The following BCAS3 variants were observed in gnomAD, a reference collection of about 807,000 sequenced individuals.
BCAS3 encodes the protein BCAS4/BCAS3 fusion.
A neutral mutation model predicts 116.1 loss-of-function variants in BCAS3; 53 were observed. The observed-to-expected ratio is 0.46, with a 90% CI of 0.37 to 0.57. The LOEUF (loss-of-function observed/expected upper bound fraction) is 0.57. Ranked by LOEUF, BCAS3 falls within the 20% of genes least tolerant of loss-of-function variation. The probability of loss-of-function intolerance (pLI) is 0.00; values close to 1 mark genes in which losing one functional copy is unlikely to be tolerated. For synonymous variants in BCAS3, 391 were observed against 408.2 expected (o/e 0.96, Z 0.51); for missense variants, 917 against 1,165.4 (o/e 0.79, Z 3.10).
Position 61,029,044 on chromosome 17 carries a change from T to C in BCAS3, c.1638-5622T>C, listed in dbSNP as rs1214504565. Reference sequence around the variant, plus strand: ...TGTTATTTAGCATTCAACCTGAGAATGTTTTTATGTACTGTTCTGAAATAA... The same window carrying C: ...TGTTATTTAGCATTCAACCTGAGAACGTTTTTATGTACTGTTCTGAAATAA... On this transcript the variant is annotated intron_variant, in intron 16 of 23. Transcript: ENST00000407086. This position sits in a 1 kb window ranked among gnomAD's most constrained non-coding sequence, Gnocchi z 5.2. Among the ~76,000 whole-genome samples, 1 of 152,016 alleles carries C rather than the reference T, an allele frequency of 6.6e-6. No individual in the cohort carries two copies. Among genetic ancestry groups the C allele is most frequent in the Non-Finnish European group, 1.5e-5 (1 of 67,874 alleles).
In BCAS3 at chr17:61,378,685, G is replaced by A. The variant is rs962388535; in HGVS notation, c.2593+10191G>A. The A allele has an allele frequency of 6.6e-6, 1 of 152,268 alleles. No homozygotes were observed. Among genetic ancestry groups the A allele is most frequent in the Non-Finnish European group, 1.5e-5 (1 of 68,060 alleles). The allele number at this position is 152,268 out of a possible 1,614,324, so 9.4% of individuals were successfully genotyped here. ...CTGAGCCTCAGTTAATGTTTGTTGA[G>A]TGACTGGATGGGTTTCTGTGGCCCC... On this transcript the variant is annotated intron_variant, in intron 23 of 23. Transcript: ENST00000407086. The surrounding 1 kb of genome is among the most constrained non-coding windows in gnomAD (Gnocchi z 5.8).
chr17:60,834,089 C>T (rs1402414674), intron 7 of BCAS3, among the ~76,000 whole-genome samples: 1 of 151,950 alleles, frequency 6.6e-6, no homozygotes, highest in Non-Finnish European at 1.5e-5. Flanking sequence ...GGCTTTATCA[C>T]AAATTATGTA....
chr17:60,743,750 T>A (rs916109092), intron 5 of BCAS3, among the ~76,000 whole-genome samples: 1 of 152,224 alleles, frequency 6.6e-6, no homozygotes, highest in East Asian at 1.9e-4. Context: ...CAGAATTCTC[T>A]AAAAGCACTT....
At chr17:61,293,429 C>G (rs995539849) in intron 22 of BCAS3, among the ~76,000 whole-genome samples, 1 of 152,104 alleles carries the variant, frequency 6.6e-6, no homozygotes, top group Admixed American at 6.5e-5. Context: ...GGAGAGCTGC[C>G]TATCATCAGA....
At chr17:60,731,877 C>G (rs1311788652) in intron 5 of BCAS3, among the ~76,000 whole-genome samples, 1 of 151,124 alleles carries the variant, frequency 6.6e-6, no homozygotes. Flanking sequence ...CTTCCAGGTT[C>G]AAGCAATTCT....
At chr17:61,257,170 C>G (rs1003260150) in intron 22 of BCAS3, among the ~76,000 whole-genome samples, 1 of 152,010 alleles carries the variant, frequency 6.6e-6, no homozygotes, top group East Asian at 1.9e-4. Flanking sequence ...GCCTGTAACC[C>G]CAGCACTTTG....
chr17:61,172,294 C>T (rs181416934), intron 22 of BCAS3, among the ~76,000 whole-genome samples: 14 of 152,304 alleles, frequency 9.2e-5, no homozygotes, highest in Admixed American at 2.0e-4. Context: ...ACACTACCAA[C>T]GGCAGAACCA....
intron 19 of BCAS3, among the ~76,000 whole-genome samples, chr17:61,049,926 G>A (rs532442132): frequency 6.6e-6 from 1 of 151,740 alleles, no homozygotes; most frequent in South Asian, 2.1e-4. Flanking sequence ...TAGAGACGGG[G>A]TTTTTCCATG....
At chr17:61,035,727 C>T (rs1422250147) in intron 17 of BCAS3, among the ~76,000 whole-genome samples, 1 of 152,000 alleles carries the variant, frequency 6.6e-6, no homozygotes, top group Non-Finnish European at 1.5e-5. Flanking sequence ...AGTGGATGGC[C>T]GAAACCTCGG....
At chr17:61,116,643 A>T (rs1037201896) in intron 22 of BCAS3, among the ~76,000 whole-genome samples, 3 of 152,102 alleles carry the variant, frequency 2.0e-5, no homozygotes, top group Admixed American at 2.0e-4. Context: ...TTGTTAAGAG[A>T]TCTTCCTTTA....
In BCAS3 at chr17:61,097,381, T is replaced by C. The variant is rs930444558; in HGVS notation, c.2425+12817T>C. On this transcript the variant is annotated intron_variant, in intron 22 of 23. Coordinates refer to ENST00000407086, the MANE Select transcript of BCAS3 (RefSeq NM_017679.5). This position sits in a 1 kb window ranked among gnomAD's most constrained non-coding sequence, Gnocchi z 4.0. ...TTTTAATAGAGACGGGATTTCACCATGTTAGCCAGGATGGTCTCGATCTCC... is the reference window on the plus strand; with the variant it reads ...TTTTAATAGAGACGGGATTTCACCACGTTAGCCAGGATGGTCTCGATCTCC... 6.6e-6 allele frequency among the ~76,000 whole-genome samples: 1 copy of C among 152,156 alleles called. No individual in the cohort carries two copies. The highest frequency in any genetic ancestry group is 2.4e-5 in the African/African-American group (1 of 41,424).
At chr17:61,357,408 C>T (rs1301188401) in intron 22 of BCAS3, among the ~76,000 whole-genome samples, 3 of 148,364 alleles carry the variant, frequency 2.0e-5, no homozygotes, top group East Asian at 3.9e-4. Flanking sequence ...CCAGCCTGGG[C>T]GACAGAGTGA....
At chr17:60,777,233 A>G (rs1172101930) in intron 6 of BCAS3, among the ~76,000 whole-genome samples, 1 of 151,966 alleles carries the variant, frequency 6.6e-6, no homozygotes, top group South Asian at 2.1e-4. Flanking sequence ...CTCTTCCTCT[A>G]CTACTATACT....
At chr17:61,173,895 A>G (rs2078996862) in intron 22 of BCAS3, among the ~76,000 whole-genome samples, 1 of 152,168 alleles carries the variant, frequency 6.6e-6, no homozygotes, top group Non-Finnish European at 1.5e-5. Context: ...AAACAAACCC[A>G]AAAACGATAA....
At chr17:60,733,549 C>T (rs866306096) in intron 5 of BCAS3, among the ~76,000 whole-genome samples, 1 of 152,098 alleles carries the variant, frequency 6.6e-6, no homozygotes, top group Admixed American at 6.6e-5. Flanking sequence ...ATTTTAAATA[C>T]TGGATGTTTG....
At chr17:60,771,269 T>C (rs1598601439) in intron 6 of BCAS3, among the ~76,000 whole-genome samples, 1 of 152,200 alleles carries the variant, frequency 6.6e-6, no homozygotes, top group East Asian at 1.9e-4. Flanking sequence ...CTAAAATAGC[T>C]TCAATTATTT....
rs760671608 is a variant in BCAS3, at chr17:61,325,783, G to A, written c.2426-42544G>A. Among the ~76,000 whole-genome samples the A allele has an allele frequency of 5.3e-5, 8 of 152,272 alleles. No individual in the cohort carries two copies. The highest frequency in any genetic ancestry group is 1.0e-4 in the Non-Finnish European group (7 of 68,018). Reference sequence around the variant, plus strand: ...TTTTAGGGAGGTGTTTTTGAAATGAGTGTCTCCATTTTTCCTGGTCTTGGT... The same window carrying A: ...TTTTAGGGAGGTGTTTTTGAAATGAATGTCTCCATTTTTCCTGGTCTTGGT... On this transcript the variant is annotated intron_variant, in intron 22 of 23. Transcript: ENST00000407086. This position sits in a 1 kb window ranked among gnomAD's most constrained non-coding sequence, Gnocchi z 6.4.
At position 61,244,030 on chromosome 17, in the gene BCAS3, A is replaced by AT. The variant is rs1363364858; in HGVS notation, c.2426-124295dup. On this transcript the variant is annotated intron_variant, in intron 22 of 23. Transcript: ENST00000407086. This position sits in a 1 kb window ranked among gnomAD's most constrained non-coding sequence, Gnocchi z 4.9. ...GGTCCTGAACTCCTGGCCTCAAGTG[A>AT]TTCTCCCTGTCTCAGCCTCCCAAAG... Among the ~76,000 whole-genome samples, 2 of 151,870 alleles carry AT rather than the reference A, an allele frequency of 1.3e-5. No homozygotes were observed. Among genetic ancestry groups the AT allele is most frequent in the African/African-American group, 4.8e-5 (2 of 41,300 alleles).
intron 10 of BCAS3, among the ~76,000 whole-genome samples, chr17:60,894,193 T>G (rs1009200383): frequency 2.0e-5 from 3 of 152,178 alleles, no homozygotes; most frequent in Non-Finnish European, 4.4e-5. Flanking sequence ...TAAATCATAT[T>G]GATTCTTTCA....
Sources: gnomAD v4.1 joint callset for allele counts (sites outside exome capture counted in the v4.1 genomes callset) on GRCh38, gnomAD v4.1.1 for gene constraint, Gnocchi (gnomAD v3.1) non-coding constraint, MANE v1.5 for transcripts, NCBI Gene and HGNC (gene_info 2026-07-23, HGNC 2026-07-21) for gene names.